SLC35F1: variants seen among roughly 807,000 people sequenced by gnomAD.
SLC35F1 encodes the protein chromosome 6 open reading frame 169.
SLC35F1 carries 14 observed loss-of-function variants against 48.7 expected under a neutral mutation model. That is an observed-to-expected ratio of 0.29 (90% CI 0.19 to 0.45). SLC35F1 has a LOEUF of 0.45. SLC35F1 is among the 20% of genes least tolerant of loss of function. The pLI is 1.00. For missense variants in SLC35F1, 404 were observed against 500.0 expected, an observed-to-expected ratio of 0.81 and a Z score of 1.83; for synonymous variants, 190 against 202.2, an observed-to-expected ratio of 0.94 and a Z score of 0.51.
At chr6:118,266,006 A>G (rs1261642850) in intron 3 of SLC35F1, among the ~76,000 whole-genome samples, 1 of 152,220 alleles carries the variant, frequency 6.6e-6, no homozygotes, top group African/African-American at 2.4e-5. Flanking sequence ...AAGCAGAGTT[A>G]TAGACCAGCA....
chr6:118,204,426 A>G (rs368319194), intron 2 of SLC35F1, among the ~76,000 whole-genome samples: 2 of 152,222 alleles, frequency 1.3e-5, no homozygotes, highest in African/African-American at 4.8e-5. Flanking sequence ...GTTATGATCA[A>G]AATTGACTTT....
chr6:118,142,566 T>C (rs1174908852), intron 1 of SLC35F1, among the ~76,000 whole-genome samples: 1 of 44,244 alleles, frequency 2.3e-5, no homozygotes, highest in Non-Finnish European at 8.5e-5. Context: ...TATTTATTCA[T>C]TTTTTTTGTT....
intron 3 of SLC35F1, among the ~76,000 whole-genome samples, chr6:118,259,086 A>C (rs1445468872): frequency 6.6e-6 from 1 of 151,652 alleles, no homozygotes; most frequent in African/African-American, 2.4e-5. Flanking sequence ...AGCCTTAATA[A>C]TATATAAAGA....
intron 1 of SLC35F1, among the ~76,000 whole-genome samples, chr6:118,039,653 T>A (rs1043655068): frequency 2.0e-5 from 3 of 151,982 alleles, no homozygotes; most frequent in Admixed American, 6.6e-5. Flanking sequence ...AAAAATTGCA[T>A]GCATTGTATT....
chr6:118,248,220 C>G (rs1309533255), intron 3 of SLC35F1, among the ~76,000 whole-genome samples: 2 of 152,146 alleles, frequency 1.3e-5, no homozygotes, highest in Non-Finnish European at 2.9e-5. Flanking sequence ...TTTCTTCTTC[C>G]CTTAAAAGAA....
intron 1 of SLC35F1, among the ~76,000 whole-genome samples, chr6:118,057,242 G>C (rs1468767276): frequency 6.6e-6 from 1 of 152,156 alleles, no homozygotes; most frequent in Admixed American, 6.5e-5. Context: ...CCAATGTCAT[G>C]CTAGAGATGT....
chr6:118,228,666 C>G (rs1307129407), intron 2 of SLC35F1, among the ~76,000 whole-genome samples: 1 of 152,102 alleles, frequency 6.6e-6, no homozygotes, highest in Non-Finnish European at 1.5e-5. Flanking sequence ...TGCACTCCAG[C>G]CTGGGTGGCA....
chr6:118,109,151 CA>C (rs1166361143), intron 1 of SLC35F1, among the ~76,000 whole-genome samples: 1 of 152,082 alleles, frequency 6.6e-6, no homozygotes, highest in African/African-American at 2.4e-5. Context: ...AAAAGTAAGG[CA>C]AAGCGTTATC....
At chr6:118,256,665 A>G (rs565883828) in intron 3 of SLC35F1, among the ~76,000 whole-genome samples, 1 of 152,162 alleles carries the variant, frequency 6.6e-6, no homozygotes, top group Admixed American at 6.5e-5. Context: ...TCCCTTGAAA[A>G]CACTGACCTG....
At chr6:118,172,316 A>G (rs1774418208) in intron 2 of SLC35F1, among the ~76,000 whole-genome samples, 1 of 152,182 alleles carries the variant, frequency 6.6e-6, no homozygotes, top group Admixed American at 6.5e-5. Flanking sequence ...TTAGCCAGTT[A>G]TCAGTGCAAG....
intron 1 of SLC35F1, among the ~76,000 whole-genome samples, chr6:117,940,036 G>A (rs1776209001): frequency 6.6e-6 from 1 of 152,190 alleles, no homozygotes; most frequent in Admixed American, 6.5e-5. Context: ...TTACCTTGCT[G>A]ATTAGAGAGA....
Position 118,160,731 on chromosome 6 carries a change from C to A in SLC35F1, c.349+6111C>A, listed in dbSNP as rs140941499. Among the ~76,000 whole-genome samples, 938 of 152,166 alleles carry A rather than the reference C, an allele frequency of 6.2e-3. 4 individuals are homozygous for A. The highest frequency in any genetic ancestry group is 0.014 in the Middle Eastern group (4 of 294). On this transcript the variant is annotated intron_variant, in intron 2 of 7. Transcript: ENST00000360388. ...TTCTGCTTACATCCCCTTTCTCCAC[C>A]CAGAATATTCAAGTGGGGCAGAAGA...
chr6:118,284,062 C>T (rs538445621), intron 6 of SLC35F1, among the ~76,000 whole-genome samples: 16 of 152,090 alleles, frequency 1.1e-4, no homozygotes, highest in East Asian at 5.8e-4. Flanking sequence ...TCATATGGAA[C>T]GATGATTTGT....
At chr6:118,288,010 GGT>G (rs1491392878) in intron 7 of SLC35F1, among the ~76,000 whole-genome samples, 5 of 75,062 alleles carry the variant, frequency 6.7e-5, no homozygotes, top group Non-Finnish European at 1.2e-4. Flanking sequence ...CAATGATTTG[GGT>G]TTTTTTTTTT....
At chr6:117,951,713 A>C (rs1483839050) in intron 1 of SLC35F1, among the ~76,000 whole-genome samples, 1 of 152,166 alleles carries the variant, frequency 6.6e-6, no homozygotes, top group African/African-American at 2.4e-5. Flanking sequence ...AGGATAAGAG[A>C]CTGGGGAAAG....
At chr6:117,947,911 A>G (rs1334150858) in intron 1 of SLC35F1, among the ~76,000 whole-genome samples, 1 of 152,142 alleles carries the variant, frequency 6.6e-6, no homozygotes, top group Non-Finnish European at 1.5e-5. Context: ...CAAGGAATTG[A>G]GTATAGATGA....
chr6:118,017,773 T>C (rs62431178), intron 1 of SLC35F1, among the ~76,000 whole-genome samples: 13,903 of 152,238 alleles, frequency 0.091, 1,499 homozygotes, highest in African/African-American at 0.26. Context: ...GACTGGACTG[T>C]AGTGAGCCTT....
intron 1 of SLC35F1, among the ~76,000 whole-genome samples, chr6:118,048,997 TA>T (rs757742104): frequency 6.6e-6 from 1 of 152,114 alleles, no homozygotes; most frequent in Non-Finnish European, 1.5e-5. Context: ...AACAGCATAG[TA>T]CTGGTACCAA....
intron 1 of SLC35F1, among the ~76,000 whole-genome samples, chr6:117,994,321 C>T (rs1776957966): frequency 6.6e-6 from 1 of 152,154 alleles, no homozygotes; most frequent in Non-Finnish European, 1.5e-5. Flanking sequence ...CTTAAGAGCT[C>T]CTGTGATTAG....
Sources: allele counts gnomAD v4.1 joint callset (sites outside exome capture counted in the v4.1 genomes callset), GRCh38; gene constraint gnomAD v4.1.1; transcripts MANE v1.5; gene names NCBI Gene and HGNC (gene_info 2026-07-23, HGNC 2026-07-21).